KIAA0825: variants seen among roughly 807,000 people sequenced by gnomAD.
KIAA0825 encodes uncharacterized protein KIAA0825.
Under a neutral mutation model 147.6 loss-of-function variants are expected in KIAA0825, and 119 were observed. The ratio of observed to expected loss-of-function variants is 0.81; its 90% confidence interval spans 0.69 to 0.94. The LOEUF is 0.94. KIAA0825 is among the 40% of genes least tolerant of loss of function. The pLI, the probability that KIAA0825 is intolerant of heterozygous loss-of-function variation, is 0.00. For synonymous variants in KIAA0825, 470 were observed against 518.1 expected (o/e 0.91, Z 1.26); for missense variants, 1,381 against 1,472.7 (o/e 0.94, Z 1.02).
At chr5:94,347,564 G>C (rs961348329) in intron 20 of KIAA0825, among the ~76,000 whole-genome samples, 1 of 152,188 alleles carries the variant, frequency 6.6e-6, no homozygotes, top group African/African-American at 2.4e-5. Flanking sequence ...AATCACTGCA[G>C]TTTGGCTCAC....
At chr5:94,544,984 T>C (rs892101157) in intron 2 of KIAA0825, among the ~76,000 whole-genome samples, 1 of 151,330 alleles carries the variant, frequency 6.6e-6, no homozygotes, top group African/African-American at 2.4e-5. Flanking sequence ...TCACCCTCCC[T>C]CATCCCTTGG....
At chr5:94,156,241 A>C (rs1301496542) in intron 20 of KIAA0825, among the ~76,000 whole-genome samples, 2 of 152,178 alleles carry the variant, frequency 1.3e-5, no homozygotes, top group Non-Finnish European at 2.9e-5. Flanking sequence ...GGGCTTTCAA[A>C]TGCAATTAAC....
At chr5:94,433,888 C>T (rs1449134842) in intron 14 of KIAA0825, among the ~76,000 whole-genome samples, 1 of 152,174 alleles carries the variant, frequency 6.6e-6, no homozygotes, top group Non-Finnish European at 1.5e-5. Context: ...ACACTTCATT[C>T]AAATGTCACT....
rs936994548 is a variant in KIAA0825, at chr5:94,417,119, T to C, written c.2662+82A>G. On this transcript the variant is annotated intron_variant, in intron 15 of 20. Coordinates refer to ENST00000682413, the MANE Select transcript of KIAA0825 (RefSeq NM_001145678.3). ...AACAACAGATTCAGCAAAACCAGTA[T>C]CAATACAACTTCTAAACATCTTTAA... The C allele has an allele frequency of 5.4e-6, 7 of 1,294,334 alleles. No individual in the cohort carries two copies. The South Asian group carries it at 6.6e-5, about 12-fold the overall frequency. 80.2% of individuals were successfully genotyped at this position (1,294,334 alleles called of 1,614,324 possible).
At chr5:94,494,465 C>T (rs1764124355) in intron 5 of KIAA0825, among the ~76,000 whole-genome samples, 1 of 151,966 alleles carries the variant, frequency 6.6e-6, no homozygotes, top group Admixed American at 6.6e-5. Context: ...GTATTCAGGG[C>T]AAATTTCTGA....
At chr5:94,248,773 C>G (rs899579025) in intron 20 of KIAA0825, among the ~76,000 whole-genome samples, 1 of 152,064 alleles carries the variant, frequency 6.6e-6, no homozygotes, top group Non-Finnish European at 1.5e-5. Flanking sequence ...AATGAACAAC[C>G]CTGAACTACG....
intron 5 of KIAA0825, among the ~76,000 whole-genome samples, chr5:94,508,666 G>A (rs1405802581): frequency 1.3e-5 from 2 of 152,144 alleles, no homozygotes; most frequent in African/African-American, 4.8e-5. Flanking sequence ...ATTGTTGCAT[G>A]GCTTCCTGCC....
intron 20 of KIAA0825, among the ~76,000 whole-genome samples, chr5:94,309,321 G>A (rs559047992): frequency 3.3e-5 from 5 of 151,658 alleles, no homozygotes; most frequent in Admixed American, 6.6e-5. Flanking sequence ...TACAGAGGAG[G>A]TGCTGTGAGA....
intron 15 of KIAA0825, chr5:94,415,972 T>A (rs935771375): frequency 6.6e-6 from 1 of 152,166 alleles, no homozygotes; most frequent in African/African-American, 2.4e-5. Flanking sequence ...AGCTCTTACT[T>A]CCCCAGAAAC....
At position 94,388,551 on chromosome 5, in the gene KIAA0825, G is replaced by A. The variant is rs140549742; in HGVS notation, c.3457-2147C>T. Among the ~76,000 whole-genome samples, 671 of 152,214 alleles carry A rather than the reference G, an allele frequency of 4.4e-3. 4 individuals are homozygous for A. Among genetic ancestry groups the A allele is most frequent in the South Asian group, 0.023 (109 of 4,828 alleles). On this transcript the variant is annotated intron_variant, in intron 18 of 20. Transcript: ENST00000682413. The stretch of plus-strand genomic sequence containing the variant: ...TAAAATTTTTAAAAGGAATACTTTC[G>A]TTTTTATTGACAAAAAAGCTTTGTT...
intron 1 of KIAA0825, among the ~76,000 whole-genome samples, chr5:94,608,188 C>T (rs1193520092): frequency 6.6e-6 from 1 of 151,408 alleles, no homozygotes; most frequent in South Asian, 2.1e-4. Context: ...TTCACCATTA[C>T]ACACTCAGAA....
chr5:94,592,452 T>C (rs1420814163), intron 1 of KIAA0825, among the ~76,000 whole-genome samples: 1 of 152,022 alleles, frequency 6.6e-6, no homozygotes, highest in Non-Finnish European at 1.5e-5. Flanking sequence ...AGCTCTATCA[T>C]GGGAAAGGTG....
chr5:94,237,401 A>C (rs1423864660), intron 20 of KIAA0825, among the ~76,000 whole-genome samples: 3 of 152,276 alleles, frequency 2.0e-5, no homozygotes, highest in Admixed American at 2.0e-4. Flanking sequence ...AAAGCAGGCA[A>C]AGGGGGAACA....
chr5:94,304,286 G>A (rs1300447776), intron 20 of KIAA0825, among the ~76,000 whole-genome samples: 1 of 152,026 alleles, frequency 6.6e-6, no homozygotes, highest in Non-Finnish European at 1.5e-5. Context: ...GCCTCCCTGT[G>A]GCATAAGTGT....
chr5:94,295,498 C>T (rs956499000), intron 20 of KIAA0825, among the ~76,000 whole-genome samples: 14 of 151,976 alleles, frequency 9.2e-5, no homozygotes, highest in African/African-American at 2.2e-4. Context: ...AAGGAGAAGA[C>T]GCATTCTGGT....
intron 15 of KIAA0825, chr5:94,414,675 A>G (rs1003462807): frequency 1.3e-5 from 2 of 152,214 alleles, no homozygotes; most frequent in African/African-American, 4.8e-5. Context: ...TCTAATAGAA[A>G]AAAATGAGAA....
At chr5:94,241,216 T>C (rs1775326765) in intron 20 of KIAA0825, among the ~76,000 whole-genome samples, 1 of 152,198 alleles carries the variant, frequency 6.6e-6, no homozygotes, top group African/African-American at 2.4e-5. Context: ...TTGGCCCTTC[T>C]ATAAAAAAAG....
intron 20 of KIAA0825, among the ~76,000 whole-genome samples, chr5:94,216,905 T>C (rs1478483886): frequency 2.0e-5 from 3 of 152,212 alleles, no homozygotes; most frequent in African/African-American, 7.2e-5. Context: ...TCCATGAATC[T>C]ATGTTAATTA....
chr5:94,509,692 A>G (rs1449222609), intron 5 of KIAA0825, among the ~76,000 whole-genome samples: 1 of 152,258 alleles, frequency 6.6e-6, no homozygotes, highest in Non-Finnish European at 1.5e-5. Context: ...TAGCTTGTCC[A>G]TAAGTTCAAG....
Sources: allele counts gnomAD v4.1 joint callset (sites outside exome capture counted in the v4.1 genomes callset), GRCh38; gene constraint gnomAD v4.1.1; transcripts MANE v1.5; gene names NCBI Gene and HGNC (gene_info 2026-07-23, HGNC 2026-07-21).